The following WNT4 variants were observed in gnomAD, a reference collection of about 807,000 sequenced individuals.
The protein encoded by WNT4 is Wnt family member 4.
A neutral mutation model predicts 34.5 loss-of-function variants in WNT4; 16 were observed. The observed-to-expected ratio is 0.46, with a 90% CI of 0.31 to 0.70. The LOEUF (loss-of-function observed/expected upper bound fraction) is 0.70, where lower values mean the gene tolerates loss of function less well. Ranked by LOEUF, WNT4 falls within the 30% of genes least tolerant of loss-of-function variation. The pLI is 0.04. For synonymous variants in WNT4, 200 were observed against 211.9 expected (o/e 0.94, Z 0.49); for missense variants, 379 against 495.9 (o/e 0.76, Z 2.24).
rs1646047715 is a variant in WNT4, at chr1:22,139,359, A to T, written c.77+3487T>A. Among the ~76,000 whole-genome samples the T allele has an allele frequency of 6.6e-6, 1 of 152,188 alleles. No individual in the cohort carries two copies. Among genetic ancestry groups the T allele is most frequent in the South Asian group, 2.1e-4 (1 of 4,834 alleles). ...CCAACCACCATTGTGCACCATTTGC[A>T]TCAGTGGGCTCCATTTTACAGATGA... On this transcript the variant is annotated intron_variant, in intron 1 of 4. Transcript: ENST00000290167. This position sits in a 1 kb window ranked among gnomAD's most constrained non-coding sequence, Gnocchi z 4.6.
chr1:22,130,424 G>A (rs1645974325), intron 1 of WNT4, among the ~76,000 whole-genome samples: 1 of 152,244 alleles, frequency 6.6e-6, no homozygotes, highest in South Asian at 2.1e-4. Context: ...ATGGGCTAGA[G>A]GTCTAGGGAT....
rs1039351236 is a variant in WNT4, at chr1:22,139,904, C to T, written c.77+2942G>A. ...GTCACAAGCTGTCAGCGGGCTCCTC[C>T]GGGTGCCAGACGAGAGTCTAATCAA... is the stretch of plus-strand genomic sequence containing the variant. On this transcript the variant is annotated intron_variant, in intron 1 of 4. Coordinates refer to ENST00000290167, the MANE Select transcript of WNT4 (RefSeq NM_030761.5). This position sits in a 1 kb window ranked among gnomAD's most constrained non-coding sequence, Gnocchi z 4.6. 6.6e-6 allele frequency among the ~76,000 whole-genome samples: 1 copy of T among 152,220 alleles called. No homozygotes were observed. Among genetic ancestry groups the T allele is most frequent in the African/African-American group, 2.4e-5 (1 of 41,466 alleles).
intron 2 of WNT4, chr1:22,127,132 G>A (rs1023930955): frequency 1.1e-5 from 4 of 376,484 alleles, no homozygotes; most frequent in Non-Finnish European, 2.2e-5. Context: ...TTCTCCAGGT[G>A]TGACTGGCAC....
chr1:22,121,797 T>A (rs1645900942), intron 2 of WNT4, among the ~76,000 whole-genome samples: 1 of 152,194 alleles, frequency 6.6e-6, no homozygotes, highest in Non-Finnish European at 1.5e-5. Flanking sequence ...TTTTCAAACG[T>A]GCAGATGCTG....
At chr1:22,122,207 C>T (rs1251645572) in intron 2 of WNT4, among the ~76,000 whole-genome samples, 7 of 152,262 alleles carry the variant, frequency 4.6e-5, no homozygotes, top group Non-Finnish European at 7.4e-5. Context: ...ACAGCTTCTA[C>T]GTAACCCCCA....
At chr1:22,128,048 C>G (rs764109224) in intron 2 of WNT4, among the ~76,000 whole-genome samples, 6 of 152,202 alleles carry the variant, frequency 3.9e-5, no homozygotes, top group Admixed American at 6.5e-5. Context: ...CTCCATCAAC[C>G]AGGCAGCCCT....
intron 4 of WNT4, 135 bp from the exon 5 acceptor site, chr1:22,120,652 T>C: frequency 1.1e-6 from 1 of 884,898 alleles, no homozygotes; most frequent in Non-Finnish European, 1.8e-6. Context: ...GTGCCTCCTC[T>C]TAGGAATTAC....
chr1:22,121,337 T>C lies in WNT4; in HGVS notation c.462A>G (p.Gly154=). The C allele has an allele frequency of 6.2e-7, 1 of 1,614,128 alleles. No homozygotes were observed. The highest frequency in any genetic ancestry group is 1.1e-5 in the South Asian group (1 of 91,078). The change falls in exon 4 of 5, where the codon GGA becomes GGG. Residue 154 remains glycine (G), a synonymous_variant. Transcript: ENST00000290167. Reference sequence around the variant, plus strand: ...CACCGTAGGCGATGTTGTCAGAGCATCCTGACCACTGGAAGCCTGGGGTGT... The same window carrying C: ...CACCGTAGGCGATGTTGTCAGAGCACCCTGACCACTGGAAGCCTGGGGTGT... ...GVSPQGFQWS[G]CSDNIAYGVA...
Position 22,119,648 on chromosome 1 carries a change from G to T in WNT4, c.*402C>A. 1 of 308,434 alleles carries T rather than the reference G, an allele frequency of 3.2e-6. No homozygotes were observed. 19.1% of individuals were successfully genotyped at this position (308,434 alleles called of 1,614,324 possible). ...CAGAGGGTGTGACTTCCATCAAGTC[G>T]GTACCTATTTTCCCTGCCATAAGGC... On this transcript the variant is annotated 3_prime_UTR_variant, in exon 5 of 5. Transcript: ENST00000290167.
chr1:22,140,109 A>G lies in WNT4; in HGVS notation c.77+2737T>C. ...GGCCAGCAGACCCACCCTGGACTCC[A>G]GGGTATTGGGAGGCGAGCGGAACCT... is the stretch of plus-strand genomic sequence containing the variant. On this transcript the variant is annotated intron_variant, in intron 1 of 4. Coordinates refer to ENST00000290167, the MANE Select transcript of WNT4 (RefSeq NM_030761.5). This position sits in a 1 kb window ranked among gnomAD's most constrained non-coding sequence, Gnocchi z 5.9. The G allele has an allele frequency of 1.1e-6, 1 of 910,046 alleles. No individual in the cohort carries two copies. The highest frequency in any genetic ancestry group is 1.3e-6 in the Non-Finnish European group (1 of 761,052). The allele number at this position is 910,046 out of a possible 1,614,324, so 56.4% of individuals were successfully genotyped here. A position where few individuals can be genotyped will look rare whatever the true frequency, so the allele number is the denominator to read the frequency against.
chr1:22,127,158 G>A, intron 2 of WNT4: 1 of 403,476 alleles, frequency 2.5e-6, no homozygotes, highest in Non-Finnish European at 5.3e-6. Flanking sequence ...GAGTGTGACT[G>A]GCTTAGTCTC....
chr1:22,142,909 G>T lies in WNT4; in HGVS notation c.14C>A (p.Ser5Ter). The change falls in exon 1 of 5, where the codon TCG becomes TAG. Residue 5 changes from serine (S) to a stop codon, truncating the protein, a stop_gained. Coordinates refer to ENST00000290167, the MANE Select transcript of WNT4 (RefSeq NM_030761.5). LOFTEE classifies it high-confidence loss of function. The surrounding 1 kb of genome is among the most constrained non-coding windows in gnomAD (Gnocchi z 6.0). MSPR[S>*]CLRSLRLLVF... ...GAGGAGGCGCAGCGAACGCAGGCAC[G>T]AGCGGGGACTCATGGTGCCGCCGCG... is the stretch of plus-strand genomic sequence containing the variant. 8.4e-7 allele frequency: 1 copy of T among 1,187,204 alleles called. No homozygotes were observed. 73.5% of individuals were successfully genotyped at this position (1,187,204 alleles called of 1,614,324 possible). A position where few individuals can be genotyped will look rare whatever the true frequency, so the allele number is the denominator to read the frequency against.
At chr1:22,123,206 G>A (rs370639786) in intron 2 of WNT4, among the ~76,000 whole-genome samples, 1 of 152,120 alleles carries the variant, frequency 6.6e-6, no homozygotes, top group Non-Finnish European at 1.5e-5. Flanking sequence ...TGAGACTGGC[G>A]GGTCGCCTCA....
At chr1:22,125,017 C>T (rs1268916645) in intron 2 of WNT4, among the ~76,000 whole-genome samples, 1 of 152,164 alleles carries the variant, frequency 6.6e-6, no homozygotes, top group East Asian at 1.9e-4. Context: ...AAACCACCTC[C>T]AGGAAGCCCC....
At chr1:22,138,870 TCCCCCGG>T (rs1646043098) in intron 1 of WNT4, among the ~76,000 whole-genome samples, 3 of 152,078 alleles carry the variant, frequency 2.0e-5, no homozygotes, top group African/African-American at 7.2e-5. Context: ...ATATAAACTG[TCCCCCGG>T]CCCCCGGGCA....
intron 1 of WNT4, among the ~76,000 whole-genome samples, chr1:22,138,454 CT>C (rs1258113760): frequency 6.6e-6 from 1 of 152,050 alleles, no homozygotes; most frequent in East Asian, 1.9e-4. Flanking sequence ...TGTCCTTTCG[CT>C]TGGGGGGATG....
At chr1:22,127,919 A>C (rs1486699217) in intron 2 of WNT4, among the ~76,000 whole-genome samples, 2 of 152,176 alleles carry the variant, frequency 1.3e-5, no homozygotes, top group East Asian at 3.9e-4. Context: ...GGAGTGAGAG[A>C]GGGTGACAGC....
rs527661729 is a variant in WNT4 at position 22,136,566 on chromosome 1, C to A, written c.77+6280G>T. ...GCCTGTGGCTGAACCCCTACTCCCA[C>A]CCCCACCAGGGTGGGGCTCATCCCC... is the stretch of plus-strand genomic sequence containing the variant. On this transcript the variant is annotated intron_variant, in intron 1 of 4. Transcript: ENST00000290167. Among the ~76,000 whole-genome samples, 245 of 152,260 alleles carry A rather than the reference C, an allele frequency of 1.6e-3. 3 individuals are homozygous for A. Among genetic ancestry groups the A allele is most frequent in the African/African-American group, 5.5e-3 (230 of 41,566 alleles).
rs1407787296 is a variant in WNT4, at chr1:22,120,009, T to G, written c.*41A>C. ...GACTGTTTAAATTATCGGCCTTCCC[T>G]GGGCCACTAGGTGGTTGCCGGCGCA... On this transcript the variant is annotated 3_prime_UTR_variant, in exon 5 of 5. Transcript: ENST00000290167. The G allele has an allele frequency of 6.3e-7, 1 of 1,596,370 alleles. No individual in the cohort carries two copies. The highest frequency in any genetic ancestry group is 1.7e-5 in the Admixed American group (1 of 59,904).
Sources: gnomAD v4.1 joint callset for allele counts (sites outside exome capture counted in the v4.1 genomes callset) on GRCh38, gnomAD v4.1.1 for gene constraint, Gnocchi (gnomAD v3.1) non-coding constraint, MANE v1.5 for transcripts, NCBI Gene and HGNC (gene_info 2026-07-23, HGNC 2026-07-21) for gene names.